DNASE1L1: variants seen among roughly 807,000 people sequenced by gnomAD.
The protein encoded by DNASE1L1 is deoxyribonuclease 1 like 1.
In DNASE1L1, 8 loss-of-function variants were observed where a neutral mutation model predicts 18.6. That is an observed-to-expected ratio of 0.43 (90% confidence interval 0.25 to 0.78). The LOEUF is 0.78. Among genes scored for constraint, DNASE1L1 ranks in the 30% least tolerant of loss-of-function variants. DNASE1L1 has a pLI of 0.23. For synonymous variants in DNASE1L1, 114 were observed against 114.2 expected, an observed-to-expected ratio of 1.00 and a Z score of 0.01; for missense variants, 214 against 258.2, an observed-to-expected ratio of 0.83 and a Z score of 1.17.
In DNASE1L1 at chrX:154,402,772, G is replaced by GCTGGACGCTGTGCGC. The variant is rs1557187114; in HGVS notation, c.829_843dup (p.Ala277_Gln281dup). ...AGCAACAGAACAGTGAGGCTGAGAG[G>GCTGGACGCTGTGCGC]CTGGACGCTGTGCGCCTGGCTCAGC... On this transcript the variant is annotated inframe_insertion, in exon 8 of 8. Transcript: ENST00000369807. 9 of 1,211,522 alleles carry GCTGGACGCTGTGCGC rather than the reference G, an allele frequency of 7.4e-6. No homozygotes were observed. The highest frequency in any genetic ancestry group is 1.0e-5 in the Non-Finnish European group (9 of 895,326).
rs2068037958 is a variant in DNASE1L1 at position 154,401,646 on chromosome X, A to T, written c.*1061T>A. ...GTGGCCTGAGCATCTGTATCCAGGG[A>T]CAGGACTCCAAAGGCTTTTGGTCCC... On this transcript the variant is annotated 3_prime_UTR_variant, in exon 8 of 8. Transcript: ENST00000369807. 9.0e-6 allele frequency: 1 copy of T among 111,518 alleles called. No homozygotes were observed. The highest frequency in any genetic ancestry group is 1.9e-5 in the Non-Finnish European group (1 of 53,039). 9.2% of individuals were successfully genotyped at this position (111,518 alleles called of 1,213,427 possible). A position where few individuals can be genotyped will look rare whatever the true frequency, so the allele number is the denominator to read the frequency against.
rs1403820922 is a variant in DNASE1L1, at chrX:154,401,682, T to C, written c.*1025A>G. On this transcript the variant is annotated 3_prime_UTR_variant, in exon 8 of 8. Transcript: ENST00000369807. Reference sequence around the variant, plus strand: ...AAGGCTTTTGGTCCCAGAGCTGGGGTATGTTGGCCCCAGCCCCCAGCCTGT... The same window carrying C: ...AAGGCTTTTGGTCCCAGAGCTGGGGCATGTTGGCCCCAGCCCCCAGCCTGT... 8.9e-6 allele frequency: 1 copy of C among 111,913 alleles called. No individual in the cohort carries two copies. Among genetic ancestry groups the C allele is most frequent in the Non-Finnish European group, 1.9e-5 (1 of 53,073 alleles). 9.2% of individuals were successfully genotyped at this position (111,913 alleles called of 1,213,427 possible). A position where few individuals can be genotyped will look rare whatever the true frequency, so the allele number is the denominator to read the frequency against.
chrX:154,407,760 C>G (rs1233646744), intron 1 of DNASE1L1, among the ~76,000 whole-genome samples: 28 of 79,630 alleles, frequency 3.5e-4, no homozygotes, highest in Non-Finnish European at 4.9e-4. Flanking sequence ...CGCGCCCGGC[C>G]CCCCCCCTTT....
upstream of DNASE1L1, chrX:154,409,491 C>A (rs1387539941): frequency 8.0e-6 from 1 of 124,311 alleles, no homozygotes; most frequent in Non-Finnish European, 1.7e-5. Context: ...TCGCCAGGCC[C>A]GTCGCTCAGC....
intron 1 of DNASE1L1, chrX:154,408,427 G>A (rs2068202291): frequency 9.0e-6 from 1 of 111,335 alleles, no homozygotes; most frequent in South Asian, 3.7e-4. Flanking sequence ...TCTCAGATAT[G>A]GCCAAATCAT....
At chrX:154,410,735 C>G (rs1230369319), upstream of DNASE1L1, among the ~76,000 whole-genome samples, 1 of 107,890 alleles carries the variant, frequency 9.3e-6, no homozygotes, top group Non-Finnish European at 1.9e-5. Flanking sequence ...AAAAATTAGC[C>G]GGGCGTGGCG....
chrX:154,407,767 CTTTTT>C (rs1232966344), intron 1 of DNASE1L1, among the ~76,000 whole-genome samples: 1 of 71,543 alleles, frequency 1.4e-5, no homozygotes, highest in African/African-American at 5.3e-5. Flanking sequence ...GGCCCCCCCC[CTTTTT>C]TTTTTTTTTT....
In DNASE1L1 at chrX:154,401,660, G is replaced by A. The variant is rs189484012; in HGVS notation, c.*1047C>T. 1 of 111,871 alleles carries A rather than the reference G, an allele frequency of 8.9e-6. No individual in the cohort carries two copies. The highest frequency in any genetic ancestry group is 2.8e-4 in the East Asian group (1 of 3,579). 9.2% of individuals were successfully genotyped at this position (111,871 alleles called of 1,213,427 possible). ...TGTATCCAGGGACAGGACTCCAAAG[G>A]CTTTTGGTCCCAGAGCTGGGGTATG... On this transcript the variant is annotated 3_prime_UTR_variant, in exon 8 of 8. Transcript: ENST00000369807.
intron 2 of DNASE1L1, 126 bp downstream of exon 2, chrX:154,405,308 C>G: frequency 1.9e-6 from 2 of 1,060,138 alleles, no homozygotes; most frequent in Middle Eastern, 2.7e-4. Flanking sequence ...CAAGCGCCTG[C>G]GCTGCATCTC....
At chrX:154,404,147 CT>C (rs35330789) in intron 4 of DNASE1L1, among the ~76,000 whole-genome samples, 3,551 of 65,164 alleles carry the variant, frequency 0.054, 14 homozygotes, top group Non-Finnish European at 0.077. Flanking sequence ...TGATGTCATT[CT>C]TTTTTTTTTT....
intron 6 of DNASE1L1, 31 bp from the exon 7 acceptor site, chrX:154,403,221 C>G (rs1400148316): frequency 1.7e-6 from 2 of 1,207,889 alleles, no homozygotes; most frequent in African/African-American, 1.7e-5. Flanking sequence ...AGGCTGGCCG[C>G]TGGGCCACCC....
In DNASE1L1 at chrX:154,402,938, TCAC is replaced by T; in HGVS notation, c.774+1_774+3del. ...CCCTCCTCATGCCAGCCCCATCCCT[TCAC>T]CTCCTCCTCGGTGAGCTGGAAGCTC... On this transcript the variant is annotated splice_donor_variant and splice_donor_region_variant and intron_variant, in intron 7 of 7. Coordinates refer to ENST00000369807, the MANE Select transcript of DNASE1L1 (RefSeq NM_001303620.2). LOFTEE classifies it high-confidence loss of function. The T allele has an allele frequency of 8.3e-7, 1 of 1,209,526 alleles. No individual in the cohort carries two copies. The highest frequency in any genetic ancestry group is 1.1e-6 in the Non-Finnish European group (1 of 894,600).
At chrX:154,406,038 C>T (rs1376800063) in intron 1 of DNASE1L1, among the ~76,000 whole-genome samples, 3 of 104,214 alleles carry the variant, frequency 2.9e-5, no homozygotes, top group African/African-American at 1.1e-4. Context: ...GTGGCGCAAA[C>T]GCGGCTCACT....
In DNASE1L1 at chrX:154,405,027, G is replaced by A. The variant is rs151117609; in HGVS notation, c.192C>T (p.Ser64=). The change falls in exon 3 of 8, where the codon AGC becomes AGT. Residue 64 remains serine, a synonymous_variant. Transcript: ENST00000369807. ...GTTCTCGAAGCAGGAGCGGGATGGC[G>A]CTGCCGGAAGAGTCCACCACCTCCT... ...VLQEVVDSSG[S]AIPLLLRELN... 1.7e-5 allele frequency: 20 copies of A among 1,209,272 alleles called. No homozygotes were observed. The East Asian group carries it at 2.7e-4, about 16-fold the overall frequency.
At chrX:154,411,237 G>A (rs2148179914), upstream of DNASE1L1, among the ~76,000 whole-genome samples, 1 of 109,202 alleles carries the variant, frequency 9.2e-6, no homozygotes, top group Non-Finnish European at 1.9e-5. Context: ...GTGTGATGGC[G>A]GGCGCCTGTG....
upstream of DNASE1L1, chrX:154,409,394 C>T: frequency 4.8e-6 from 1 of 207,122 alleles, no homozygotes; most frequent in South Asian, 5.4e-5. Context: ...CCCCGCCTTC[C>T]CGGGCCAGCG....
chrX:154,404,083 G>A (rs1383467355), intron 4 of DNASE1L1, among the ~76,000 whole-genome samples: 3 of 109,526 alleles, frequency 2.7e-5, no homozygotes, highest in African/African-American at 1.0e-4. Context: ...TCCTCTTTCT[G>A]GCTGAATAAT....
intron 4 of DNASE1L1, 132 bp from the exon 5 acceptor site, chrX:154,403,754 A>G (rs2068094267): frequency 4.0e-6 from 2 of 497,871 alleles, no homozygotes; most frequent in Non-Finnish European, 6.9e-6. Flanking sequence ...ACCTGTCTCT[A>G]GAACTTTCAA....
intron 4 of DNASE1L1, among the ~76,000 whole-genome samples, 190 bp downstream of exon 4, chrX:154,404,638 C>T (rs1316569003): frequency 8.9e-6 from 1 of 112,742 alleles, no homozygotes; most frequent in Admixed American, 9.3e-5. Flanking sequence ...GCCTCCTGCT[C>T]TATGGACACT....
Sources: allele counts gnomAD v4.1 joint callset (sites outside exome capture counted in the v4.1 genomes callset), GRCh38; gene constraint gnomAD v4.1.1; transcripts MANE v1.5; gene names NCBI Gene and HGNC (gene_info 2026-07-23, HGNC 2026-07-21).